The following RALGAPA2 variants were observed in gnomAD, a reference collection of about 807,000 sequenced individuals.
The protein encoded by RALGAPA2 is ral GTPase-activating protein subunit alpha-2.
A neutral mutation model predicts 230.4 loss-of-function variants in RALGAPA2; 139 were observed. The observed-to-expected ratio is 0.60, with a 90% CI of 0.53 to 0.69. The LOEUF is 0.69. Among genes scored for constraint, RALGAPA2 ranks in the 30% least tolerant of loss-of-function variants. The pLI, the probability that RALGAPA2 is intolerant of heterozygous loss-of-function variation, is 0.00. For missense variants in RALGAPA2, 2,163 were observed against 2,276.0 expected, an observed-to-expected ratio of 0.95 and a Z score of 1.01; for synonymous variants, 847 against 837.8, an observed-to-expected ratio of 1.01 and a Z score of -0.19.
chr20:20,439,614 G>A (rs2060692149), intron 37 of RALGAPA2, among the ~76,000 whole-genome samples: 1 of 152,168 alleles, frequency 6.6e-6, no homozygotes, highest in African/African-American at 2.4e-5. Context: ...CGATCCTGGG[G>A]GAGTGGGCTG....
chr20:20,517,751 T>A, intron 31 of RALGAPA2, among the ~76,000 whole-genome samples: 1 of 145,860 alleles, frequency 6.9e-6, no homozygotes, highest in Middle Eastern at 3.5e-3. Context: ...AGCAGCAAAA[T>A]CAAATTAGGC....
intron 23 of RALGAPA2, among the ~76,000 whole-genome samples, chr20:20,567,130 T>C (rs749353896): frequency 2.6e-5 from 4 of 152,264 alleles, no homozygotes; most frequent in Non-Finnish European, 5.9e-5. Context: ...ATAGCTCACT[T>C]ATTTTAAGCA....
In RALGAPA2 at chr20:20,505,524, G is replaced by T; in HGVS notation, c.4939C>A (p.His1647Asn). ...NLDSRQCRET[H>N]KIAVFYIAEG... ...GCAATGTAAAACACTGCGATTTTGT[G>T]TGTCTCACGGCTATAAATTTTTAAA... The change falls in exon 34 of 40, where the codon CAC becomes AAC. Residue 1647 changes from histidine (H) to asparagine (N), a missense_variant. Coordinates refer to ENST00000202677, the MANE Select transcript of RALGAPA2 (RefSeq NM_020343.4). 6.3e-7 allele frequency: 1 copy of T among 1,587,508 alleles called. No homozygotes were observed. The highest frequency in any genetic ancestry group is 8.6e-7 in the Non-Finnish European group (1 of 1,167,932).
intron 1 of RALGAPA2, among the ~76,000 whole-genome samples, chr20:20,694,729 T>C (rs571881523): frequency 2.0e-5 from 3 of 152,184 alleles, no homozygotes; most frequent in Admixed American, 6.5e-5. Flanking sequence ...TGTTAGACCA[T>C]GCAGATGACT....
At chr20:20,663,986 T>C (rs2067871575) in intron 3 of RALGAPA2, among the ~76,000 whole-genome samples, 1 of 152,222 alleles carries the variant, frequency 6.6e-6, no homozygotes, top group African/African-American at 2.4e-5. Flanking sequence ...GCTAAGTGAC[T>C]GACAGTTAGC....
chr20:20,633,943 T>A (rs2066770571), intron 9 of RALGAPA2, among the ~76,000 whole-genome samples: 1 of 152,226 alleles, frequency 6.6e-6, no homozygotes, highest in African/African-American at 2.4e-5. Flanking sequence ...TGTATGTGTA[T>A]GAAGGAGAGA....
chr20:20,418,678 T>C (rs564487469), intron 37 of RALGAPA2, among the ~76,000 whole-genome samples: 22 of 152,292 alleles, frequency 1.4e-4, no homozygotes, highest in Admixed American at 4.6e-4. Context: ...CTGAAAACCA[T>C]GCTCAACCAA....
chr20:20,563,557 C>T (rs1185759142), intron 23 of RALGAPA2, among the ~76,000 whole-genome samples: 1 of 152,216 alleles, frequency 6.6e-6, no homozygotes, highest in African/African-American at 2.4e-5. Context: ...GGGGACACCC[C>T]TTGGTGTATC....
chr20:20,493,889 G>A (rs190017311), intron 36 of RALGAPA2, among the ~76,000 whole-genome samples: 176 of 152,252 alleles, frequency 1.2e-3, no homozygotes, highest in Non-Finnish European at 1.8e-3. Flanking sequence ...TGGCATCTGC[G>A]TTCCCTCAAT....
In RALGAPA2 at chr20:20,393,265, G is replaced by T. The variant is rs779068111; in HGVS notation, c.*36-12C>A. ...GGAGGCCAGGGCCCCTGCAAAGGAA[G>T]CAGAGAACTGCTAAGTCATGGAGGC... On this transcript the variant is annotated splice_polypyrimidine_tract_variant and intron_variant, in intron 39 of 39. Transcript: ENST00000202677. 2 of 1,332,360 alleles carry T rather than the reference G, an allele frequency of 1.5e-6. No individual in the cohort carries two copies. The highest frequency in any genetic ancestry group is 2.0e-6 in the Non-Finnish European group (2 of 1,005,440). 82.5% of individuals were successfully genotyped at this position (1,332,360 alleles called of 1,614,324 possible). A position where few individuals can be genotyped will look rare whatever the true frequency, so the allele number is the denominator to read the frequency against.
intron 4 of RALGAPA2, among the ~76,000 whole-genome samples, chr20:20,650,053 A>G (rs1044776178): frequency 1.3e-5 from 2 of 152,210 alleles, no homozygotes; most frequent in South Asian, 2.1e-4. Context: ...GCTCATGAGT[A>G]TTGTGCCAAC....
At position 20,393,043 on chromosome 20, in the gene RALGAPA2, G is replaced by A. The variant is rs1209003464; in HGVS notation, c.*246C>T. ...TTTCAGGACAAGATGATACAGCCTAGTTTGAGTCCCATCTGAGACACGGTA... is the reference window on the plus strand; with the variant it reads ...TTTCAGGACAAGATGATACAGCCTAATTTGAGTCCCATCTGAGACACGGTA... On this transcript the variant is annotated 3_prime_UTR_variant, in exon 40 of 40. Coordinates refer to ENST00000202677, the MANE Select transcript of RALGAPA2 (RefSeq NM_020343.4). The A allele has an allele frequency of 1.7e-5, 21 of 1,271,432 alleles. No individual in the cohort carries two copies. The highest frequency in any genetic ancestry group is 2.1e-5 in the Non-Finnish European group (20 of 953,444). 78.8% of individuals were successfully genotyped at this position (1,271,432 alleles called of 1,614,324 possible). A position where few individuals can be genotyped will look rare whatever the true frequency, so the allele number is the denominator to read the frequency against.
intron 37 of RALGAPA2, among the ~76,000 whole-genome samples, chr20:20,436,577 A>C (rs548303682): frequency 6.6e-6 from 1 of 152,352 alleles, no homozygotes; most frequent in African/African-American, 2.4e-5. Context: ...TGGCCAGGAC[A>C]CAAAGGCATA....
chr20:20,433,637 C>CA (rs1196043287), intron 37 of RALGAPA2, among the ~76,000 whole-genome samples: 1 of 152,084 alleles, frequency 6.6e-6, no homozygotes, highest in East Asian at 1.9e-4. Flanking sequence ...AAGTACTCCC[C>CA]AAACAAACCT....
chr20:20,494,789 T>G (rs775205926), intron 36 of RALGAPA2, among the ~76,000 whole-genome samples: 1 of 152,156 alleles, frequency 6.6e-6, no homozygotes, highest in African/African-American at 2.4e-5. Context: ...TTATTATTAA[T>G]CAACATAACC....
chr20:20,584,178 G>T (rs1046026156), intron 19 of RALGAPA2, among the ~76,000 whole-genome samples: 13 of 152,160 alleles, frequency 8.5e-5, no homozygotes, highest in African/African-American at 2.7e-4. Context: ...AGAGTACTAA[G>T]GCTGTATTTT....
At chr20:20,595,072 G>A (rs2065411588) in intron 16 of RALGAPA2, among the ~76,000 whole-genome samples, 1 of 151,966 alleles carries the variant, frequency 6.6e-6, no homozygotes, top group Non-Finnish European at 1.5e-5. Context: ...GATCAAATAA[G>A]GATTACTTAA....
rs562969580 is a variant in RALGAPA2 at position 20,501,476 on chromosome 20, C to T, written c.5208+1875G>A. ...AACTTTTCTTCTGCAGCTTCCTCAC[C>T]TCTCTCAGCCTTCATAAAATTTAAC... is the stretch of plus-strand genomic sequence containing the variant. On this transcript the variant is annotated intron_variant, in intron 35 of 39. Coordinates refer to ENST00000202677, the MANE Select transcript of RALGAPA2 (RefSeq NM_020343.4). Among the ~76,000 whole-genome samples, 3 of 152,340 alleles carry T rather than the reference C, an allele frequency of 2.0e-5. No homozygotes were observed. In the East Asian group the frequency reaches 5.8e-4, roughly 29 times the overall value.
At chr20:20,610,393 C>A (rs571164955) in intron 14 of RALGAPA2, among the ~76,000 whole-genome samples, 1 of 152,280 alleles carries the variant, frequency 6.6e-6, no homozygotes, top group East Asian at 1.9e-4. Context: ...GGCAGCTCAC[C>A]AGGTATCAGC....
Sources: allele counts gnomAD v4.1 joint callset (sites outside exome capture counted in the v4.1 genomes callset), GRCh38; gene constraint gnomAD v4.1.1; transcripts MANE v1.5; gene names NCBI Gene and HGNC (gene_info 2026-07-23, HGNC 2026-07-21).